Variants in DCC observed in about 807,000 individuals in gnomAD.
DCC encodes netrin receptor DCC.
DCC carries 58 observed loss-of-function variants against 172.5 expected under a neutral mutation model. The ratio of observed to expected loss-of-function variants is 0.34; its 90% confidence interval spans 0.27 to 0.42. The LOEUF (loss-of-function observed/expected upper bound fraction) is 0.42. Among genes scored for constraint, DCC ranks in the 10% least tolerant of loss-of-function variants. The probability of loss-of-function intolerance (pLI) is 1.00; values close to 1 mark genes in which losing one functional copy is unlikely to be tolerated. For missense variants in DCC, 1,740 were observed against 1,791.0 expected (o/e 0.97, Z 0.51); for synonymous variants, 709 against 644.5 (o/e 1.10, Z -1.52).
At chr18:52,350,401 T>C (rs1445740943) in intron 1 of DCC, among the ~76,000 whole-genome samples, 2 of 152,184 alleles carry the variant, frequency 1.3e-5, no homozygotes, top group Admixed American at 6.6e-5. Flanking sequence ...GAAACCATCA[T>C]TCTCAGCAAA....
chr18:53,525,733 G>GTGAT (rs2046447738), intron 27 of DCC, among the ~76,000 whole-genome samples: 1 of 151,996 alleles, frequency 6.6e-6, no homozygotes. Context: ...GTCAGCTCTC[G>GTGAT]TGATAGAAGA....
At chr18:53,478,374 T>C (rs183372583) in intron 25 of DCC, among the ~76,000 whole-genome samples, 24 of 152,290 alleles carry the variant, frequency 1.6e-4, no homozygotes, top group African/African-American at 5.8e-4. Context: ...ATGTAACTAT[T>C]TGGCCATTTT....
At chr18:52,861,863 T>C (rs2039147704) in intron 2 of DCC, among the ~76,000 whole-genome samples, 1 of 152,148 alleles carries the variant, frequency 6.6e-6, no homozygotes, top group South Asian at 2.1e-4. Flanking sequence ...TTCTGTAAAA[T>C]TTATTGAAGA....
chr18:52,680,344 CAGG>C (rs1271033917), intron 1 of DCC, among the ~76,000 whole-genome samples: 3 of 152,048 alleles, frequency 2.0e-5, no homozygotes, highest in African/African-American at 4.8e-5. Flanking sequence ...TTCAACTTTC[CAGG>C]AGAAGAAGGC....
chr18:52,637,648 C>G (rs1386967930), intron 1 of DCC, among the ~76,000 whole-genome samples: 1 of 152,144 alleles, frequency 6.6e-6, no homozygotes, highest in Non-Finnish European at 1.5e-5. Context: ...TGAACAAAGC[C>G]TCCAAGACGT....
chr18:52,811,589 A>C (rs527484234), intron 2 of DCC, among the ~76,000 whole-genome samples: 1 of 128,400 alleles, frequency 7.8e-6, no homozygotes, highest in Non-Finnish European at 1.8e-5. Flanking sequence ...TAACTGGTGA[A>C]AGTTTTATTT....
At chr18:53,135,582 G>A (rs1367869188) in intron 7 of DCC, among the ~76,000 whole-genome samples, 3 of 151,962 alleles carry the variant, frequency 2.0e-5, no homozygotes, top group Non-Finnish European at 4.4e-5. Flanking sequence ...TACGAATATT[G>A]CCACCTAGGG....
chr18:52,591,413 C>T (rs917206244), intron 1 of DCC, among the ~76,000 whole-genome samples: 28 of 151,952 alleles, frequency 1.8e-4, no homozygotes, highest in African/African-American at 6.8e-4. Context: ...ACATTGTTCC[C>T]AAAACATAAT....
chr18:52,757,992 C>A (rs962956258), intron 2 of DCC, among the ~76,000 whole-genome samples: 1 of 151,986 alleles, frequency 6.6e-6, no homozygotes, highest in Non-Finnish European at 1.5e-5. Flanking sequence ...TATTTTTAAT[C>A]AATGAAACTC....
intron 1 of DCC, among the ~76,000 whole-genome samples, chr18:52,424,990 T>C (rs1987376091): frequency 6.6e-6 from 1 of 152,110 alleles, no homozygotes; most frequent in African/African-American, 2.4e-5. Context: ...CATGCATAGA[T>C]GGCATACTGG....
chr18:52,445,385 C>A (rs1275383558), intron 1 of DCC, among the ~76,000 whole-genome samples: 2 of 152,172 alleles, frequency 1.3e-5, no homozygotes, highest in Admixed American at 1.3e-4. Flanking sequence ...AAGAATCCTG[C>A]AGCTGCACTT....
chr18:52,407,568 A>G (rs1986696137), intron 1 of DCC, among the ~76,000 whole-genome samples: 1 of 151,872 alleles, frequency 6.6e-6, no homozygotes. Flanking sequence ...TCAACTTTTT[A>G]TGTTCTATTT....
chr18:53,483,976 T>TAGATAGAC (rs2045869556), intron 25 of DCC, among the ~76,000 whole-genome samples: 1 of 150,328 alleles, frequency 6.7e-6, no homozygotes, highest in Non-Finnish European at 1.5e-5. Context: ...GATAGATAGA[T>TAGATAGAC]AGATAGATAG....
intron 2 of DCC, among the ~76,000 whole-genome samples, chr18:52,795,844 C>T (rs2037864654): frequency 6.6e-6 from 1 of 151,888 alleles, no homozygotes; most frequent in South Asian, 2.1e-4. Flanking sequence ...TTCATTGATG[C>T]AATAGTTGCT....
At chr18:52,698,764 A>ATTTTTTTT (rs34646550) in intron 1 of DCC, among the ~76,000 whole-genome samples, 2 of 134,182 alleles carry the variant, frequency 1.5e-5, no homozygotes, top group East Asian at 2.2e-4. Flanking sequence ...ACGCCTGGCT[A>ATTTTTTTT]TTTTTTTTTT....
chr18:53,136,991 GT>G (rs1489807190), intron 7 of DCC, among the ~76,000 whole-genome samples: 1 of 152,154 alleles, frequency 6.6e-6, no homozygotes, highest in Non-Finnish European at 1.5e-5. Flanking sequence ...AGACATTTGA[GT>G]TTTTTTCTAG....
chr18:52,598,315 A>G (rs2033947623), intron 1 of DCC, among the ~76,000 whole-genome samples: 1 of 152,194 alleles, frequency 6.6e-6, no homozygotes, highest in African/African-American at 2.4e-5. Flanking sequence ...GAGGGGTTAC[A>G]TATTTTTCAT....
chr18:52,664,499 G>A (rs1232900771), intron 1 of DCC, among the ~76,000 whole-genome samples: 8 of 97,548 alleles, frequency 8.2e-5, no homozygotes, highest in East Asian at 3.5e-4. Context: ...TTTTGAGACC[G>A]AGGCTCTGTC....
chr18:53,349,725 T>A (rs895209039), intron 15 of DCC, among the ~76,000 whole-genome samples: 2 of 152,164 alleles, frequency 1.3e-5, no homozygotes, highest in African/African-American at 4.8e-5. Context: ...CTCCCTTTTT[T>A]AAAACCATCA....
Sources: gnomAD v4.1 joint callset for allele counts (sites outside exome capture counted in the v4.1 genomes callset) on GRCh38, gnomAD v4.1.1 for gene constraint, MANE v1.5 for transcripts, NCBI Gene and HGNC (gene_info 2026-07-23, HGNC 2026-07-21) for gene names.